Variants in TANC2 observed in about 807,000 individuals in gnomAD.
TANC2 encodes the protein tetratricopeptide repeat, ankyrin repeat and coiled-coil containing 2.
A neutral mutation model predicts 210.5 loss-of-function variants in TANC2; 26 were observed. The ratio of observed to expected loss-of-function variants is 0.12; its 90% confidence interval spans 0.09 to 0.17. The LOEUF is 0.17. TANC2 is among the 10% of genes least tolerant of loss of function. The pLI, the probability that TANC2 is intolerant of heterozygous loss-of-function variation, is 1.00. For missense variants in TANC2, 2,129 were observed against 2,608.9 expected (o/e 0.82, Z 4.01); for synonymous variants, 931 against 967.1 (o/e 0.96, Z 0.69).
At chr17:63,293,981 A>C (rs1176475115) in intron 9 of TANC2, among the ~76,000 whole-genome samples, 6 of 152,152 alleles carry the variant, frequency 3.9e-5, no homozygotes, top group Admixed American at 3.3e-4. Flanking sequence ...TTCCCACCTT[A>C]GCCTCCTAGA....
chr17:63,000,003 T>C (rs993300334), intron 1 of TANC2, among the ~76,000 whole-genome samples: 26 of 152,234 alleles, frequency 1.7e-4, no homozygotes, highest in Non-Finnish European at 3.5e-4. Context: ...AATTACTTTA[T>C]GTTCTGACAA....
intron 8 of TANC2, among the ~76,000 whole-genome samples, chr17:63,246,343 A>G (rs1246519720): frequency 1.3e-5 from 2 of 151,816 alleles, no homozygotes; most frequent in Non-Finnish European, 2.9e-5. Context: ...TATATATTAT[A>G]AAATTCACCC....
At chr17:63,379,848 AT>A in intron 15 of TANC2, 22 bp downstream of exon 15, 2 of 1,585,202 alleles carry the variant, frequency 1.3e-6, no homozygotes, top group Non-Finnish European at 1.7e-6. Context: ...AGTTGGAACC[AT>A]TTTTCCGCCA....
intron 3 of TANC2, among the ~76,000 whole-genome samples, chr17:63,077,107 A>G (rs1191422648): frequency 6.6e-6 from 1 of 152,152 alleles, no homozygotes; most frequent in Non-Finnish European, 1.5e-5. Flanking sequence ...GTGAAATTTG[A>G]AATCACTGGA....
intron 14 of TANC2, among the ~76,000 whole-genome samples, chr17:63,357,909 T>G (rs1318423769): frequency 6.6e-6 from 1 of 152,218 alleles, no homozygotes; most frequent in Non-Finnish European, 1.5e-5. Flanking sequence ...AAAGCATCTT[T>G]CAGTAGATCA....
intron 14 of TANC2, among the ~76,000 whole-genome samples, chr17:63,373,297 T>C (rs1390566991): frequency 6.6e-6 from 1 of 152,200 alleles, no homozygotes; most frequent in East Asian, 1.9e-4. Context: ...TCTTACCTAC[T>C]CTTTCTCAAA....
chr17:63,201,622 C>CTTTTTTTTT (rs76234428), intron 7 of TANC2, among the ~76,000 whole-genome samples: 99 of 139,848 alleles, frequency 7.1e-4, no homozygotes, highest in African/African-American at 2.5e-3. Flanking sequence ...TTTCTTATAC[C>CTTTTTTTTT]TTTTTTTTTT....
chr17:63,097,452 C>A (rs185982811), intron 3 of TANC2, among the ~76,000 whole-genome samples: 369 of 152,080 alleles, frequency 2.4e-3, no homozygotes, highest in Non-Finnish European at 4.3e-3. Flanking sequence ...TAGTTTTGCA[C>A]CAACCTAATA....
At chr17:63,203,126 A>G (rs2041589675) in intron 7 of TANC2, among the ~76,000 whole-genome samples, 1 of 152,202 alleles carries the variant, frequency 6.6e-6, no homozygotes. Flanking sequence ...ATTATTATCC[A>G]GAATAGTTAC....
chr17:63,054,778 A>AGTGTATC (rs1213049095), intron 2 of TANC2, among the ~76,000 whole-genome samples: 1 of 152,164 alleles, frequency 6.6e-6, no homozygotes, highest in Non-Finnish European at 1.5e-5. Context: ...ATTGGCATTA[A>AGTGTATC]GTGTATCCAG....
chr17:63,285,586 A>G (rs553021174), intron 9 of TANC2, among the ~76,000 whole-genome samples: 2 of 152,324 alleles, frequency 1.3e-5, no homozygotes, highest in East Asian at 3.9e-4. Flanking sequence ...ATGAAAGGAT[A>G]CAAAGGAAAA....
At chr17:63,029,509 A>G (rs549571848) in intron 2 of TANC2, among the ~76,000 whole-genome samples, 9 of 152,266 alleles carry the variant, frequency 5.9e-5, no homozygotes, top group African/African-American at 9.6e-5. Flanking sequence ...CTAGTTTTCA[A>G]TCATTTTGAA....
intron 1 of TANC2, among the ~76,000 whole-genome samples, chr17:63,006,694 TGTTATA>T (rs913548005): frequency 6.6e-6 from 1 of 152,196 alleles, no homozygotes; most frequent in Non-Finnish European, 1.5e-5. Context: ...ATGTGTTTTG[TGTTATA>T]GTTTGTTTTT....
At chr17:63,174,845 A>G (rs1234749558) in intron 5 of TANC2, among the ~76,000 whole-genome samples, 3 of 152,246 alleles carry the variant, frequency 2.0e-5, no homozygotes, top group African/African-American at 4.8e-5. Context: ...GCAAAGAACC[A>G]TTGGAAAATT....
At chr17:62,973,813 A>G (rs2031847539) in intron 1 of TANC2, among the ~76,000 whole-genome samples, 1 of 152,180 alleles carries the variant, frequency 6.6e-6, no homozygotes, top group Non-Finnish European at 1.5e-5. Flanking sequence ...GGTTTTTACA[A>G]TTTTAAGCAG....
At chr17:63,148,625 A>G (rs2039543893) in intron 4 of TANC2, 4 of 152,134 alleles carry the variant, frequency 2.6e-5, no homozygotes, top group Non-Finnish European at 5.9e-5. Context: ...AGTTTCTGTT[A>G]TCTCTTACAT....
At chr17:63,416,531 T>C (rs760453794) in intron 26 of TANC2, among the ~76,000 whole-genome samples, 7 of 152,244 alleles carry the variant, frequency 4.6e-5, no homozygotes, top group Non-Finnish European at 7.3e-5. Flanking sequence ...GATTTGTGTG[T>C]GTAACCTTTA....
At chr17:63,247,105 A>G (rs1221310842) in intron 8 of TANC2, among the ~76,000 whole-genome samples, 1 of 152,076 alleles carries the variant, frequency 6.6e-6, no homozygotes, top group African/African-American at 2.4e-5. Flanking sequence ...TATCTATTCA[A>G]ACTTTAGCAC....
chr17:63,151,387 A>G lies in TANC2; in HGVS notation c.433+7A>G. ...GTGGATGCATACTGCCCTGGTAAGC[A>G]TGCATGCAAAGTGTCTGCTTTGAAA... is the stretch of plus-strand genomic sequence containing the variant. On this transcript the variant is annotated splice_region_variant and intron_variant, in intron 5 of 27. Coordinates refer to ENST00000689528, the Ensembl canonical transcript of TANC2. 1.0e-6 allele frequency: 1 copy of G among 984,198 alleles called. No homozygotes were observed. The highest frequency in any genetic ancestry group is 1.2e-6 in the Non-Finnish European group (1 of 828,444). 61.0% of individuals were successfully genotyped at this position (984,198 alleles called of 1,614,324 possible).
Sources: allele counts gnomAD v4.1 joint callset (sites outside exome capture counted in the v4.1 genomes callset), GRCh38; gene constraint gnomAD v4.1.1; transcripts MANE v1.5; gene names NCBI Gene and HGNC (gene_info 2026-07-23, HGNC 2026-07-21).